The following TCF4 variants were observed in gnomAD, a reference collection of about 807,000 sequenced individuals.
TCF4 encodes SL3-3 enhancer factor 2.
A neutral mutation model predicts 82.1 loss-of-function variants in TCF4; 3 were observed. The ratio of observed to expected loss-of-function variants is 0.04; its 90% CI spans 0.02 to 0.09. The LOEUF is 0.09. Ranked by LOEUF, TCF4 falls within the 10% of genes least tolerant of loss-of-function variation. The pLI is 1.00. For missense variants in TCF4, 518 were observed against 852.7 expected (o/e 0.61, Z 4.89); for synonymous variants, 276 against 309.6 (o/e 0.89, Z 1.14).
rs143968009 is a variant in TCF4, at chr18:55,510,534, T to C, written c.146-46397A>G. 4.3e-6 allele frequency: 6 copies of C among 1,380,202 alleles called. No individual in the cohort carries two copies. The African/African-American group carries it at 8.8e-5, about 20-fold the overall frequency. The allele number at this position is 1,380,202 out of a possible 1,614,324, so 85.5% of individuals were successfully genotyped here. ...ACAGAAGTCGATAGATCAAACATTT[T>C]AATCAAGAGTAAGCTTTTAAAATAC... is the stretch of plus-strand genomic sequence containing the variant. On this transcript the variant is annotated intron_variant, in intron 3 of 19. Coordinates refer to ENST00000354452, the MANE Select transcript of TCF4 (RefSeq NM_001083962.2).
intron 5 of TCF4, among the ~76,000 whole-genome samples, chr18:55,408,796 A>G (rs2094211971): frequency 6.6e-6 from 1 of 151,270 alleles, no homozygotes. Context: ...GCACTATGCT[A>G]TGCTGCTGGT....
chr18:55,572,242 G>C (rs2038162645), intron 3 of TCF4, among the ~76,000 whole-genome samples: 1 of 152,120 alleles, frequency 6.6e-6, no homozygotes, highest in Non-Finnish European at 1.5e-5. Context: ...ATTACCCCAA[G>C]TCTCTAACTA....
intron 6 of TCF4, among the ~76,000 whole-genome samples, chr18:55,356,256 A>C (rs1005665305): frequency 6.6e-6 from 1 of 152,208 alleles, no homozygotes; most frequent in African/African-American, 2.4e-5. Context: ...AAAAAGTACA[A>C]GCTGTGATAA....
intron 6 of TCF4, among the ~76,000 whole-genome samples, chr18:55,372,398 A>C (rs1259704263): frequency 6.6e-6 from 1 of 152,076 alleles, no homozygotes; most frequent in African/African-American, 2.4e-5. Flanking sequence ...ATGGAGCTGG[A>C]GTGGAGTGTG....
At chr18:55,272,068 G>A (rs2060498597) in intron 10 of TCF4, among the ~76,000 whole-genome samples, 3 of 152,034 alleles carry the variant, frequency 2.0e-5, no homozygotes, top group African/African-American at 7.2e-5. Flanking sequence ...TCACATCGGT[G>A]AGAATCTTTG....
At chr18:55,360,472 C>T (rs1364008616) in intron 6 of TCF4, among the ~76,000 whole-genome samples, 7 of 152,198 alleles carry the variant, frequency 4.6e-5, no homozygotes, top group Non-Finnish European at 8.8e-5. Context: ...TCCAGAATGG[C>T]ACCATTAAAT....
chr18:55,537,626 A>T (rs968613257), intron 3 of TCF4, among the ~76,000 whole-genome samples: 1 of 152,098 alleles, frequency 6.6e-6, no homozygotes, highest in Non-Finnish European at 1.5e-5. Context: ...TGCACTGCTA[A>T]AGACTGCCAT....
At chr18:55,403,390 A>G in intron 6 of TCF4, 64 bp downstream of exon 6, 1 of 1,582,756 alleles carries the variant, frequency 6.3e-7, no homozygotes, top group Non-Finnish European at 8.7e-7. Context: ...CATCTAATTT[A>G]GAAAACAAAC....
intron 2 of TCF4, among the ~76,000 whole-genome samples, chr18:55,626,830 A>C (rs1424900267): frequency 6.6e-6 from 1 of 152,248 alleles, no homozygotes; most frequent in Non-Finnish European, 1.5e-5. Flanking sequence ...ATGATAAAGG[A>C]ATGTGCTTTC....
At chr18:55,238,700 CCT>C (rs2050285090) in intron 15 of TCF4, among the ~76,000 whole-genome samples, 1 of 139,490 alleles carries the variant, frequency 7.2e-6, no homozygotes, top group Non-Finnish European at 1.5e-5. Context: ...CAGCCTCTCT[CCT>C]CTCTCTGGGG....
At chr18:55,506,892 T>C (rs2096767502) in intron 3 of TCF4, among the ~76,000 whole-genome samples, 1 of 151,182 alleles carries the variant, frequency 6.6e-6, no homozygotes, top group African/African-American at 2.4e-5. Context: ...AGATGGAGGC[T>C]TGCTCTGTCA....
chr18:55,420,167 C>T (rs578014903), intron 5 of TCF4, among the ~76,000 whole-genome samples: 1 of 152,246 alleles, frequency 6.6e-6, no homozygotes, highest in South Asian at 2.1e-4. Flanking sequence ...GACAAAGGTC[C>T]CAAGCCTTAC....
chr18:55,370,026 G>A (rs74704870), intron 6 of TCF4, among the ~76,000 whole-genome samples: 2 of 152,208 alleles, frequency 1.3e-5, no homozygotes, highest in South Asian at 2.1e-4. Flanking sequence ...CCATCGTGGA[G>A]GGCAGGCCTT....
intron 12 of TCF4, 84 bp downstream of exon 12, chr18:55,261,382 T>A: frequency 6.6e-7 from 1 of 1,522,702 alleles, no homozygotes; most frequent in South Asian, 1.1e-5. Flanking sequence ...GCCATTCATT[T>A]TCTAAAATTC....
chr18:55,563,963 C>G (rs1395267176), intron 3 of TCF4, among the ~76,000 whole-genome samples: 1 of 152,184 alleles, frequency 6.6e-6, no homozygotes, highest in African/African-American at 2.4e-5. Flanking sequence ...AACTATCATT[C>G]CTATTAATCA....
chr18:55,501,292 A>T (rs188186608), intron 3 of TCF4, among the ~76,000 whole-genome samples: 12 of 152,350 alleles, frequency 7.9e-5, no homozygotes, highest in Non-Finnish European at 1.5e-4. Context: ...ATTTACATTA[A>T]ACAAATTACA....
chr18:55,482,808 AC>A (rs1204732200), intron 3 of TCF4: 3 of 152,082 alleles, frequency 2.0e-5, no homozygotes, highest in Non-Finnish European at 2.9e-5. Context: ...CAAATACAGT[AC>A]TTTCCTCCCA....
chr18:55,553,729 G>A (rs537110015), intron 3 of TCF4, among the ~76,000 whole-genome samples: 3 of 152,204 alleles, frequency 2.0e-5, no homozygotes, highest in South Asian at 4.1e-4. Flanking sequence ...TGAAGGTAGC[G>A]GCTGCTATAA....
chr18:55,570,453 C>A (rs1456549405), intron 3 of TCF4, among the ~76,000 whole-genome samples: 1 of 151,956 alleles, frequency 6.6e-6, no homozygotes. Context: ...ATCAAGAACA[C>A]CTAGAAATCA....
Sources: gnomAD v4.1 joint callset for allele counts (sites outside exome capture counted in the v4.1 genomes callset) on GRCh38, gnomAD v4.1.1 for gene constraint, MANE v1.5 for transcripts, NCBI Gene and HGNC (gene_info 2026-07-23, HGNC 2026-07-21) for gene names.